Variants in SNX7 observed in about 807,000 individuals in gnomAD.
SNX7 encodes sorting nexin 7.
A neutral mutation model predicts 48.4 loss-of-function variants in SNX7; 35 were observed. That is an observed-to-expected ratio of 0.72 (90% CI 0.55 to 0.96). The LOEUF is 0.96. Ranked by LOEUF, SNX7 falls within the 40% of genes least tolerant of loss-of-function variation. The pLI is 0.00. For missense variants in SNX7, 553 were observed against 548.9 expected (o/e 1.01, Z -0.07); for synonymous variants, 190 against 190.2 (o/e 1.00, Z 0.01).
At chr1:98,708,253 G>A (rs1456338316) in intron 7 of SNX7, among the ~76,000 whole-genome samples, 2 of 152,028 alleles carry the variant, frequency 1.3e-5, no homozygotes, top group Non-Finnish European at 2.9e-5. Context: ...CACACACACA[G>A]CAGTAAAGAA....
Position 98,691,898 on chromosome 1 carries a change from A to G in SNX7, c.639+199A>G, listed in dbSNP as rs949745433. Among the ~76,000 whole-genome samples the G allele has an allele frequency of 3.3e-4, 45 of 137,640 alleles. No individual in the cohort carries two copies. In the Admixed American group the frequency reaches 3.4e-3, roughly 10 times the overall value. 90.3% of individuals were successfully genotyped at this position (137,640 alleles called of 152,430 possible). On this transcript the variant is annotated intron_variant, in intron 4 of 8. Transcript: ENST00000306121. ...CATATAAATATTACAGAAATCTTGT[A>G]TCTTCTCCATATATATACACACACA...
At chr1:98,691,816 G>A (rs1335517318) in intron 4 of SNX7, 117 bp downstream of exon 4, 10 of 763,408 alleles carry the variant, frequency 1.3e-5, no homozygotes, top group Admixed American at 4.0e-5. Flanking sequence ...AATTGAGATG[G>A]AATTTTTCAG....
At chr1:98,684,132 C>T (rs1335081132) in intron 1 of SNX7, among the ~76,000 whole-genome samples, 2 of 152,208 alleles carry the variant, frequency 1.3e-5, no homozygotes, top group African/African-American at 4.8e-5. Context: ...ATCCTTGCCT[C>T]TTCCTAGTTT....
At chr1:98,695,432 T>G (rs574404448) in intron 4 of SNX7, 86 bp from the exon 5 acceptor site, 1 of 1,278,358 alleles carries the variant, frequency 7.8e-7, no homozygotes, top group Non-Finnish European at 1.1e-6. Flanking sequence ...ATCTTGATTT[T>G]ATTCTCCTAA....
chr1:98,756,273 C>A (rs557368835), intron 8 of SNX7, among the ~76,000 whole-genome samples: 33 of 151,412 alleles, frequency 2.2e-4, no homozygotes. Flanking sequence ...TATTATAAGC[C>A]CTGCAAGATT....
At chr1:98,681,023 A>G (rs963070479) in intron 1 of SNX7, among the ~76,000 whole-genome samples, 13 of 152,204 alleles carry the variant, frequency 8.5e-5, no homozygotes, top group Non-Finnish European at 1.8e-4. Flanking sequence ...ATAAAGACAT[A>G]CCTGAGACTG....
intron 8 of SNX7, among the ~76,000 whole-genome samples, chr1:98,750,098 T>A (rs1654508219): frequency 6.6e-6 from 1 of 152,028 alleles, no homozygotes; most frequent in Non-Finnish European, 1.5e-5. Flanking sequence ...AGGTGTGGCT[T>A]TTACATATTC....
At chr1:98,711,861 A>G (rs573344686) in intron 7 of SNX7, among the ~76,000 whole-genome samples, 29 of 152,322 alleles carry the variant, frequency 1.9e-4, no homozygotes, top group African/African-American at 6.0e-4. Flanking sequence ...ATTGGAGCCA[A>G]TCCATTCAAA....
At chr1:98,718,429 A>G (rs962356434) in intron 7 of SNX7, among the ~76,000 whole-genome samples, 2 of 152,060 alleles carry the variant, frequency 1.3e-5, no homozygotes, top group African/African-American at 4.8e-5. Context: ...TCCAGATGTA[A>G]TGTGTCCCTA....
intron 1 of SNX7, among the ~76,000 whole-genome samples, chr1:98,668,164 A>C (rs1649644696): frequency 6.6e-6 from 1 of 152,182 alleles, no homozygotes. Context: ...CAAAACAAGG[A>C]AACTTCAGAA....
intron 1 of SNX7, among the ~76,000 whole-genome samples, chr1:98,677,993 G>A (rs201486625): frequency 0.087 from 10,813 of 123,922 alleles, 715 homozygotes; most frequent in African/African-American, 0.24. Flanking sequence ...GTGTGTGCGT[G>A]TGTGTGTGTG....
At chr1:98,695,384 C>A in intron 4 of SNX7, 134 bp from the exon 5 acceptor site, 2 of 774,752 alleles carry the variant, frequency 2.6e-6, no homozygotes, top group Non-Finnish European at 4.2e-6. Flanking sequence ...CTGCTTCAAG[C>A]TAACATTAAA....
chr1:98,694,948 T>C (rs1237578740), intron 4 of SNX7, among the ~76,000 whole-genome samples: 1 of 152,198 alleles, frequency 6.6e-6, no homozygotes, highest in South Asian at 2.1e-4. Flanking sequence ...TTCCTGTGCC[T>C]CTATTTTCTT....
At chr1:98,753,931 G>C (rs1309907458) in intron 8 of SNX7, among the ~76,000 whole-genome samples, 1 of 151,960 alleles carries the variant, frequency 6.6e-6, no homozygotes, top group African/African-American at 2.4e-5. Context: ...ATGAAACTGA[G>C]TTTTAATTTC....
At chr1:98,740,029 G>C (rs1653992692) in intron 8 of SNX7, among the ~76,000 whole-genome samples, 1 of 152,126 alleles carries the variant, frequency 6.6e-6, no homozygotes, top group African/African-American at 2.4e-5. Flanking sequence ...TGACCTAGGA[G>C]TTTCATGTTA....
chr1:98,676,599 G>C (rs1215012886), intron 1 of SNX7, among the ~76,000 whole-genome samples: 2 of 152,138 alleles, frequency 1.3e-5, no homozygotes, highest in African/African-American at 2.4e-5. Context: ...TAAACTTTTT[G>C]TGGGAAGAGC....
At position 98,754,370 on chromosome 1, in the gene SNX7, C is replaced by G. The variant is rs183828130; in HGVS notation, c.1279-5684C>G. Among the ~76,000 whole-genome samples the G allele has an allele frequency of 6.6e-5, 10 of 152,112 alleles. No individual in the cohort carries two copies. The East Asian group carries it at 1.9e-3, about 29-fold the overall frequency. ...GCTCTGGTATTTTGGACAGCATCCC[C>G]ATGTCTTCAATTTTCTGGAAGAGAT... On this transcript the variant is annotated intron_variant, in intron 8 of 8. Coordinates refer to ENST00000306121, the MANE Select transcript of SNX7 (RefSeq NM_015976.5).
At chr1:98,727,311 A>C (rs951896245) in intron 7 of SNX7, among the ~76,000 whole-genome samples, 5 of 152,220 alleles carry the variant, frequency 3.3e-5, no homozygotes, top group African/African-American at 1.2e-4. Context: ...AAAGAAAAAC[A>C]AACAGCAGCA....
chr1:98,703,725 TAGAGAG>T (rs1403775582), intron 7 of SNX7, among the ~76,000 whole-genome samples: 1 of 151,884 alleles, frequency 6.6e-6, no homozygotes, highest in Non-Finnish European at 1.5e-5. Flanking sequence ...TAACTATATA[TAGAGAG>T]AGAGTTAAGA....
Sources: allele counts gnomAD v4.1 joint callset (sites outside exome capture counted in the v4.1 genomes callset), GRCh38; gene constraint gnomAD v4.1.1; transcripts MANE v1.5; gene names NCBI Gene and HGNC (gene_info 2026-07-23, HGNC 2026-07-21).